Variants in TAF3 observed in about 807,000 individuals in gnomAD.
TAF3 encodes the protein TATA-box binding protein associated factor 3, also known as transcription initiation factor TFIID subunit 3.
TAF3 carries 7 observed loss-of-function variants against 80.6 expected under a neutral mutation model. The ratio of observed to expected loss-of-function variants is 0.09; its 90% confidence interval spans 0.05 to 0.16. TAF3 has a LOEUF of 0.16. TAF3 is among the 10% of genes least tolerant of loss of function. The pLI is 1.00. For synonymous variants in TAF3, 444 were observed against 446.1 expected (o/e 1.00, Z 0.06); for missense variants, 921 against 1,140.2 (o/e 0.81, Z 2.77).
intron 2 of TAF3, among the ~76,000 whole-genome samples, chr10:7,902,539 C>T (rs900594276): frequency 6.6e-6 from 1 of 152,150 alleles, no homozygotes; most frequent in Non-Finnish European, 1.5e-5. Context: ...AAACGTTTCT[C>T]AGGGTTTTCA....
rs1230925353 is a variant in TAF3 at position 7,863,608 on chromosome 10, T to TAAAA, written c.409+39064_409+39067dup. On this transcript the variant is annotated intron_variant, in intron 2 of 6. Transcript: ENST00000344293. ...CTGATGACCAGAGCAAAACTCTGTCTAAAAAAAAAAAAAAAAAAATATATA... is the reference window on the plus strand; with the variant it reads ...CTGATGACCAGAGCAAAACTCTGTCTAAAAAAAAAAAAAAAAAAAAAAATATATA... 4.4e-3 allele frequency among the ~76,000 whole-genome samples: 90 copies of TAAAA among 20,440 alleles called. 11 individuals are homozygous for TAAAA. The highest frequency in any genetic ancestry group is 0.012 in the South Asian group (4 of 332). The allele number at this position is 20,440 out of a possible 152,430, so 13.4% of individuals were successfully genotyped here. A position where few individuals can be genotyped will look rare whatever the true frequency, so the allele number is the denominator to read the frequency against.
chr10:7,931,694 A>G (rs766840395), intron 2 of TAF3, among the ~76,000 whole-genome samples: 1 of 152,234 alleles, frequency 6.6e-6, no homozygotes, highest in Non-Finnish European at 1.5e-5. Flanking sequence ...ATGTTCTGCA[A>G]TTTTATTACG....
Position 7,964,168 on chromosome 10 carries a change from A to G in TAF3, c.658A>G (p.Asn220Asp). The change falls in exon 3 of 7, where the codon AAT becomes GAT. Residue 220 changes from asparagine to aspartate, a missense_variant. Around this residue, in one of 6 missense-constraint regions of TAF3, gnomAD observed 743 missense variants for 821.0 expected, o/e 0.90. Coordinates refer to ENST00000344293, the MANE Select transcript of TAF3 (RefSeq NM_031923.4). The surrounding 1 kb of genome is among the most constrained non-coding windows in gnomAD (Gnocchi z 4.1). ...AGCTCGAGAGCCACTCAGCTCAATA[A>G]ATACTCAAAAGATCCCACCAATGCT... Reference protein sequence around the residue: ...LEAREPLSSINTQKIPPMLSP... With the variant: ...LEAREPLSSIDTQKIPPMLSP... 1 of 1,614,198 alleles carries G rather than the reference A, an allele frequency of 6.2e-7. No individual in the cohort carries two copies. Among genetic ancestry groups the G allele is most frequent in the Non-Finnish European group, 8.5e-7 (1 of 1,180,044 alleles).
chr10:7,990,545 C>T (rs1018440439), intron 4 of TAF3, among the ~76,000 whole-genome samples: 1 of 152,122 alleles, frequency 6.6e-6, no homozygotes, highest in African/African-American at 2.4e-5. Context: ...TGCATGCATA[C>T]ATCTGTAAAT....
chr10:7,970,798 G>C (rs191711893), intron 3 of TAF3, among the ~76,000 whole-genome samples: 3 of 152,070 alleles, frequency 2.0e-5, no homozygotes, highest in Admixed American at 1.3e-4. Context: ...AAATTTAAAC[G>C]GTTTGTTCTT....
intron 2 of TAF3, among the ~76,000 whole-genome samples, chr10:7,857,499 T>C (rs1837093037): frequency 6.6e-6 from 1 of 152,136 alleles, no homozygotes; most frequent in African/African-American, 2.4e-5. Context: ...TGCCACACAG[T>C]CTTCGGAGTG....
At chr10:7,837,341 C>CAAAA (rs79016748) in intron 2 of TAF3, among the ~76,000 whole-genome samples, 20,381 of 89,100 alleles carry the variant, frequency 0.23, 1,674 homozygotes, top group South Asian at 0.31. Context: ...CCAGTCTGGG[C>CAAAA]AAAAAAAAAA....
intron 2 of TAF3, among the ~76,000 whole-genome samples, chr10:7,943,277 C>T (rs1028134581): frequency 1.3e-5 from 2 of 152,190 alleles, no homozygotes; most frequent in Non-Finnish European, 2.9e-5. Flanking sequence ...GGCTCCTACG[C>T]ATCACGTTCT....
Position 7,989,272 on chromosome 10 carries a change from C to T in TAF3, c.2315+11949C>T, listed in dbSNP as rs575505420. Among the ~76,000 whole-genome samples the T allele has an allele frequency of 2.2e-3, 338 of 152,228 alleles. 1 individual carries two copies. In the Middle Eastern group the frequency reaches 0.024, roughly 11 times the overall value. ...GGATCTAGAGGTAGGATAAAGCCCA[C>T]TCAGGCCACATGGACAGAAAGAAGG... On this transcript the variant is annotated intron_variant, in intron 4 of 6. Coordinates refer to ENST00000344293, the MANE Select transcript of TAF3 (RefSeq NM_031923.4).
intron 4 of TAF3, among the ~76,000 whole-genome samples, chr10:7,999,347 C>T (rs1276093325): frequency 6.8e-6 from 1 of 147,898 alleles, no homozygotes; most frequent in East Asian, 2.0e-4. Context: ...AACTGGGACA[C>T]AAAGCAACTA....
intron 2 of TAF3, among the ~76,000 whole-genome samples, chr10:7,853,110 G>A (rs1479456235): frequency 6.6e-6 from 1 of 152,108 alleles, no homozygotes; most frequent in East Asian, 1.9e-4. Flanking sequence ...GTTGGCAAAT[G>A]TTGTTTAATA....
intron 6 of TAF3, 63 bp from the exon 7 acceptor site, chr10:8,014,574 T>A: frequency 7.1e-7 from 1 of 1,399,886 alleles, no homozygotes; most frequent in African/African-American, 1.4e-5. Flanking sequence ...CTTTAAAACA[T>A]GGAAGGGAGA....
intron 2 of TAF3, among the ~76,000 whole-genome samples, chr10:7,926,427 C>T (rs1837816033): frequency 2.0e-5 from 3 of 152,204 alleles, no homozygotes; most frequent in African/African-American, 7.2e-5. Flanking sequence ...TTTCAAGTAT[C>T]TGATTAGGAA....
intron 1 of TAF3, among the ~76,000 whole-genome samples, chr10:7,820,287 G>A (rs1836678122): frequency 1.3e-5 from 2 of 152,070 alleles, no homozygotes; most frequent in Non-Finnish European, 2.9e-5. Context: ...GTAATCACCT[G>A]TGTATGTCTC....
At position 7,818,543 on chromosome 10, in the gene TAF3, G is replaced by C. The variant is rs1836653191; in HGVS notation, c.-167G>C. The C allele has an allele frequency of 1.6e-6, 1 of 641,936 alleles. No individual in the cohort carries two copies. The highest frequency in any genetic ancestry group is 2.4e-6 in the Non-Finnish European group (1 of 414,202). 39.8% of individuals were successfully genotyped at this position (641,936 alleles called of 1,614,324 possible). The stretch of plus-strand genomic sequence containing the variant: ...GCGAGTCCAAAATGGCGGCTCTCAG[G>C]CTGGCGCGCTCCGTGCTGCTGGGGC... On this transcript the variant is annotated 5_prime_UTR_variant, in exon 1 of 7. Coordinates refer to ENST00000344293, the MANE Select transcript of TAF3 (RefSeq NM_031923.4).
chr10:8,001,010 T>C (rs992867399), intron 4 of TAF3, among the ~76,000 whole-genome samples: 3 of 152,238 alleles, frequency 2.0e-5, no homozygotes, highest in Non-Finnish European at 2.9e-5. Flanking sequence ...AACATGGTGT[T>C]TGTTCATCAT....
chr10:7,914,055 T>TACCG (rs1564362350), intron 2 of TAF3, among the ~76,000 whole-genome samples: 1 of 152,212 alleles, frequency 6.6e-6, no homozygotes. Flanking sequence ...CTCTTTTAGA[T>TACCG]ACCGATTCAA....
chr10:7,853,771 A>G (rs981941357), intron 2 of TAF3, among the ~76,000 whole-genome samples: 8 of 152,240 alleles, frequency 5.3e-5, no homozygotes, highest in African/African-American at 1.2e-4. Context: ...CAGAGACTGT[A>G]TATCCCAAAA....
intron 4 of TAF3, among the ~76,000 whole-genome samples, chr10:7,985,284 G>C (rs1831765056): frequency 6.6e-6 from 1 of 152,208 alleles, no homozygotes; most frequent in African/African-American, 2.4e-5. Flanking sequence ...CTCTAGGAAA[G>C]AGTATGTGTC....
Sources: gnomAD v4.1 joint callset for allele counts (sites outside exome capture counted in the v4.1 genomes callset) on GRCh38, gnomAD v4.1.1 for gene constraint, gnomAD v4.1.1 regional missense constraint, Gnocchi (gnomAD v3.1) non-coding constraint, MANE v1.5 for transcripts, NCBI Gene and HGNC (gene_info 2026-07-23, HGNC 2026-07-21) for gene names.